Variants in RNF115 observed in about 807,000 individuals in gnomAD.
RNF115 encodes the protein E3 ubiquitin-protein ligase RNF115.
A neutral mutation model predicts 39.2 loss-of-function variants in RNF115; 31 were observed. That is an observed-to-expected ratio of 0.79 (90% CI 0.59 to 1.07). The LOEUF is 1.07. Ranked by LOEUF, RNF115 falls within the 50% of genes least tolerant of loss-of-function variation. RNF115 has a pLI of 0.00. For synonymous variants in RNF115, 124 were observed against 131.0 expected (o/e 0.95, Z 0.37); for missense variants, 384 against 381.7 (o/e 1.01, Z -0.05).
chr1:145,814,581 T>TAA (rs879991996), intron 1 of RNF115, among the ~76,000 whole-genome samples: 3 of 142,452 alleles, frequency 2.1e-5, no homozygotes, highest in Non-Finnish European at 3.1e-5. Flanking sequence ...AAACTCCGTT[T>TAA]AAAAAAAAAA....
chr1:145,747,846 T>C, intron 8 of RNF115, 149 bp downstream of exon 8: 2 of 606,954 alleles, frequency 3.3e-6, no homozygotes, highest in South Asian at 1.9e-5. Flanking sequence ...TTTGCAACCC[T>C]TGGTCAGAAA....
At chr1:145,792,514 C>A (rs1195894647) in intron 1 of RNF115, among the ~76,000 whole-genome samples, 1 of 152,118 alleles carries the variant, frequency 6.6e-6, no homozygotes, top group Middle Eastern at 3.4e-3. Context: ...AAAAAAAAAT[C>A]CCTCATGTCA....
chr1:145,751,300 G>A, intron 6 of RNF115, 138 bp downstream of exon 6: 1 of 604,770 alleles, frequency 1.7e-6, no homozygotes, highest in Non-Finnish European at 3.0e-6. Context: ...CATCCCTTTA[G>A]TAAAATGGAA....
At chr1:145,753,619 G>T (rs1382507086) in intron 4 of RNF115, among the ~76,000 whole-genome samples, 1 of 152,204 alleles carries the variant, frequency 6.6e-6, no homozygotes, top group Non-Finnish European at 1.5e-5. Context: ...TTACACGAAT[G>T]AGTCTTTGTT....
At position 145,775,775 on chromosome 1, in the gene RNF115, T is replaced by C. The variant is rs117589355; in HGVS notation, c.220-3856A>G. On this transcript the variant is annotated intron_variant, in intron 3 of 8. Transcript: ENST00000582693. ...TGAGAGGCTAAGGCGGTGGGGGGGA[T>C]CACTGAGGCCAGAAGTTCGAGATCA... Among the ~76,000 whole-genome samples, 276 of 151,896 alleles carry C rather than the reference T, an allele frequency of 1.8e-3. 6 individuals carry two copies. In the East Asian group the frequency reaches 0.047, roughly 26 times the overall value.
chr1:145,791,549 A>T (rs1648668799), intron 1 of RNF115, among the ~76,000 whole-genome samples: 1 of 152,034 alleles, frequency 6.6e-6, no homozygotes, highest in Non-Finnish European at 1.5e-5. Context: ...ACATAAACTG[A>T]ATAACAGCAT....
At position 145,798,021 on chromosome 1, in the gene RNF115, GTTCT is replaced by G. The variant is rs139184460; in HGVS notation, c.103-9059_103-9056del. On this transcript the variant is annotated intron_variant, in intron 1 of 8. Transcript: ENST00000582693. ...TTTGATTTTTTGTTGTTGAGTTGTT[GTTCT>G]TTCTACATTCTGGATATTAATACTT... Among the ~76,000 whole-genome samples the G allele has an allele frequency of 8.7e-3, 1,321 of 152,062 alleles. 19 individuals are homozygous for G. Among genetic ancestry groups the G allele is most frequent in the African/African-American group, 0.03 (1,260 of 41,416 alleles).
At chr1:145,747,063 T>C in intron 8 of RNF115, 66 bp from the exon 9 acceptor site, 1 of 1,473,564 alleles carries the variant, frequency 6.8e-7, no homozygotes, top group Non-Finnish European at 9.2e-7. Context: ...ATTGTACACT[T>C]AAATAACCCT....
chr1:145,806,807 T>G (rs186933002), intron 1 of RNF115, among the ~76,000 whole-genome samples: 4 of 152,290 alleles, frequency 2.6e-5, no homozygotes, highest in Non-Finnish European at 2.9e-5. Flanking sequence ...GTAAACTTCT[T>G]TTGTTTATTT....
chr1:145,786,447 A>G (rs782459768), intron 2 of RNF115, among the ~76,000 whole-genome samples: 49 of 152,214 alleles, frequency 3.2e-4, no homozygotes, highest in Non-Finnish European at 5.9e-4. Flanking sequence ...TTAAAACACT[A>G]ATCTCTTTCA....
Position 145,743,184 on chromosome 1 carries a change from G to A in RNF115, c.*3682C>T, listed in dbSNP as rs1404821744. ...TGTCTGTGAAGGTGTTTTTGGAAGA[G>A]ACTAACATTTCAGTCAGTAGACTGA... On this transcript the variant is annotated 3_prime_UTR_variant, in exon 9 of 9. Coordinates refer to ENST00000582693, the MANE Select transcript of RNF115 (RefSeq NM_014455.4). The A allele has an allele frequency of 6.6e-6, 1 of 152,194 alleles. No individual in the cohort carries two copies. The highest frequency in any genetic ancestry group is 2.4e-5 in the African/African-American group (1 of 41,446). The allele number at this position is 152,194 out of a possible 1,614,324, so 9.4% of individuals were successfully genotyped here.
intron 3 of RNF115, among the ~76,000 whole-genome samples, chr1:145,782,422 G>A (rs1158096746): frequency 3.9e-5 from 6 of 152,066 alleles, no homozygotes; most frequent in African/African-American, 9.7e-5. Flanking sequence ...AGAAGTTCGA[G>A]TCCAGCCTGG....
chr1:145,810,229 G>A, intron 1 of RNF115, among the ~76,000 whole-genome samples: 1 of 58,952 alleles, frequency 1.7e-5, no homozygotes, highest in East Asian at 4.3e-4. Flanking sequence ...CAGTTAAGAA[G>A]TGCTTCTCAC....
chr1:145,783,833 A>T (rs10797658), intron 3 of RNF115, among the ~76,000 whole-genome samples: 115,018 of 149,588 alleles, frequency 0.77, 44,272 homozygotes, highest in Middle Eastern at 0.84. Context: ...TTCTTTTTTT[A>T]AAAAAAAAAA....
At chr1:145,753,620 A>G (rs1001051529) in intron 4 of RNF115, among the ~76,000 whole-genome samples, 8 of 152,240 alleles carry the variant, frequency 5.3e-5, no homozygotes, top group Non-Finnish European at 1.2e-4. Flanking sequence ...TACACGAATG[A>G]GTCTTTGTTA....
chr1:145,778,828 C>T (rs370481980), intron 3 of RNF115, among the ~76,000 whole-genome samples: 1 of 152,154 alleles, frequency 6.6e-6, no homozygotes, highest in African/African-American at 2.4e-5. Flanking sequence ...CTAGTGATTT[C>T]GCATTTCTCC....
chr1:145,796,261 T>C (rs1214588313), intron 1 of RNF115, among the ~76,000 whole-genome samples: 2 of 152,216 alleles, frequency 1.3e-5, no homozygotes, highest in Non-Finnish European at 2.9e-5. Context: ...TCAAAAACTC[T>C]ATCAATTGCT....
rs1657821439 is a variant in RNF115 at position 145,745,105 on chromosome 1, C to T, written c.*1761G>A. The T allele has an allele frequency of 6.6e-6, 1 of 152,218 alleles. No homozygotes were observed. Among genetic ancestry groups the T allele is most frequent in the African/African-American group, 2.4e-5 (1 of 41,460 alleles). The allele number at this position is 152,218 out of a possible 1,614,324, so 9.4% of individuals were successfully genotyped here. A position where few individuals can be genotyped will look rare whatever the true frequency, so the allele number is the denominator to read the frequency against. On this transcript the variant is annotated 3_prime_UTR_variant, in exon 9 of 9. Transcript: ENST00000582693. ...CTGAAGACCAATGAATTACCAAAAA[C>T]AGTGAACTGGCTGCAGACACTTACT...
chr1:145,763,012 G>A (rs1658591967), intron 4 of RNF115, among the ~76,000 whole-genome samples: 1 of 152,078 alleles, frequency 6.6e-6, no homozygotes, highest in African/African-American at 2.4e-5. Context: ...AAAAGGGAGA[G>A]GGAGGGAGAA....
Sources: gnomAD v4.1 joint callset for allele counts (sites outside exome capture counted in the v4.1 genomes callset) on GRCh38, gnomAD v4.1.1 for gene constraint, MANE v1.5 for transcripts, NCBI Gene and HGNC (gene_info 2026-07-23, HGNC 2026-07-21) for gene names.